Variants in RNFT2 observed in about 807,000 individuals in gnomAD.
RNFT2 encodes the protein ring finger protein, transmembrane 2, also known as E3 ubiquitin-protein ligase RNFT2.
Under a neutral mutation model 53.0 loss-of-function variants are expected in RNFT2, and 36 were observed. The observed-to-expected ratio is 0.68, with a 90% CI of 0.52 to 0.90. RNFT2 has a LOEUF of 0.90. Among genes scored for constraint, RNFT2 ranks in the 40% least tolerant of loss-of-function variants. RNFT2 has a pLI of 0.00. For synonymous variants in RNFT2, 260 were observed against 253.2 expected (o/e 1.03, Z -0.26); for missense variants, 514 against 585.6 (o/e 0.88, Z 1.26).
rs374692998 is a variant in RNFT2, at chr12:116,740,429, T to C, written c.-69T>C. 8.2e-5 allele frequency: 121 copies of C among 1,479,232 alleles called. No homozygotes were observed. The highest frequency in any genetic ancestry group is 5.1e-4 in the East Asian group (21 of 40,828). 91.6% of individuals were successfully genotyped at this position (1,479,232 alleles called of 1,614,324 possible). On this transcript the variant is annotated 5_prime_UTR_variant, in exon 2 of 11. Transcript: ENST00000257575. Reference sequence around the variant, plus strand: ...GGAGGCCTGTCCTCTCTGGGATCCATTGGTCACATCCCCCTGAGGATTCCC... The same window carrying C: ...GGAGGCCTGTCCTCTCTGGGATCCACTGGTCACATCCCCCTGAGGATTCCC...
chr12:116,853,323 A>C lies in RNFT2; in HGVS notation c.*3875A>C, dbSNP rs1449585399. On this transcript the variant is annotated 3_prime_UTR_variant, in exon 11 of 11. Transcript: ENST00000257575. ...TATTATTTTATGATTCACTGACTCA[A>C]GTTCCACGAAGTCCTTAGAAATGGA... The C allele has an allele frequency of 2.5e-6, 1 of 397,636 alleles. No homozygotes were observed. Among genetic ancestry groups the C allele is most frequent in the Non-Finnish European group, 4.4e-6 (1 of 225,674 alleles). 24.6% of individuals were successfully genotyped at this position (397,636 alleles called of 1,614,324 possible).
intron 7 of RNFT2, among the ~76,000 whole-genome samples, chr12:116,801,645 C>G (rs1874794872): frequency 6.6e-6 from 1 of 152,170 alleles, no homozygotes; most frequent in South Asian, 2.1e-4. Flanking sequence ...AAGATAAGAG[C>G]ATTAGCAGCC....
At chr12:116,816,871 G>T (rs1875710587) in intron 7 of RNFT2, among the ~76,000 whole-genome samples, 1 of 152,146 alleles carries the variant, frequency 6.6e-6, no homozygotes, top group Non-Finnish European at 1.5e-5. Flanking sequence ...AAAAAGTAGA[G>T]AACTGCTAGT....
intron 7 of RNFT2, among the ~76,000 whole-genome samples, chr12:116,786,553 A>G (rs1262653751): frequency 6.6e-6 from 1 of 152,110 alleles, no homozygotes; most frequent in Non-Finnish European, 1.5e-5. Flanking sequence ...GAGGTTACTC[A>G]TCACCTGGCG....
rs149565474 is a variant in RNFT2 at position 116,753,104 on chromosome 12, T to A, written c.551-880T>A. Among the ~76,000 whole-genome samples, 607 of 152,078 alleles carry A rather than the reference T, an allele frequency of 4.0e-3. 7 individuals carry two copies. Among genetic ancestry groups the A allele is most frequent in the African/African-American group, 0.014 (563 of 41,486 alleles). On this transcript the variant is annotated intron_variant, in intron 4 of 10. Transcript: ENST00000257575. ...TTTCTCATTGAACATTAAACTTGAA[T>A]TCCTTATGGCGTTGTAAGTTTTTTC...
rs146539797 is a variant in RNFT2 at position 116,739,186 on chromosome 12, C to A, written c.-154+816C>A. Among the ~76,000 whole-genome samples, 423 of 152,274 alleles carry A rather than the reference C, an allele frequency of 2.8e-3. 2 individuals carry two copies. Among genetic ancestry groups the A allele is most frequent in the African/African-American group, 9.7e-3 (402 of 41,538 alleles). On this transcript the variant is annotated intron_variant, in intron 1 of 10. Transcript: ENST00000257575. ...AGACACCCTATATCCACAATATTGGCTCTGCCTCCAGAGACAAGAAGATAT... is the reference window on the plus strand; with the variant it reads ...AGACACCCTATATCCACAATATTGGATCTGCCTCCAGAGACAAGAAGATAT...
chr12:116,784,726 C>T (rs1873856335), intron 7 of RNFT2, among the ~76,000 whole-genome samples: 1 of 152,140 alleles, frequency 6.6e-6, no homozygotes. Context: ...CAGTCAGCAA[C>T]CAAGTTCTGT....
chr12:116,806,009 AT>A (rs1875030092), intron 7 of RNFT2, among the ~76,000 whole-genome samples: 1 of 152,250 alleles, frequency 6.6e-6, no homozygotes, highest in South Asian at 2.1e-4. Context: ...GAATCGAGAC[AT>A]TAAACTAAAC....
chr12:116,839,421 GTGGGTGGATGGATGGA>G (rs1052502986), intron 10 of RNFT2, among the ~76,000 whole-genome samples: 3 of 126,752 alleles, frequency 2.4e-5, no homozygotes, highest in African/African-American at 9.2e-5. Context: ...GGATGGGTGG[GTGGGTGGATGGATGGA>G]TGGATGGATG....
intron 7 of RNFT2, among the ~76,000 whole-genome samples, chr12:116,791,684 A>G (rs761971306): frequency 6.6e-6 from 1 of 152,186 alleles, no homozygotes; most frequent in Non-Finnish European, 1.5e-5. Context: ...TCCTCTGTCA[A>G]TGGACATCTA....
rs541674444 is a variant in RNFT2 at position 116,750,073 on chromosome 12, G to A, written c.316G>A (p.Ala106Thr). The change falls in exon 4 of 11, where the codon GCC becomes ACC. Residue 106 changes from alanine (A) to threonine (T), a missense_variant. Transcript: ENST00000257575. ...AGGAGGGGGCCGGGGCGAGGGGGGC[G>A]CCTACCACCACCGCCAGCCCCACCA... Reference protein sequence around the residue: ...EEGGGRGEGGAYHHRQPHHHF... With the variant: ...EEGGGRGEGGTYHHRQPHHHF... 127 of 1,545,984 alleles carry A rather than the reference G, an allele frequency of 8.2e-5. No individual in the cohort carries two copies. The Admixed American group carries it at 1.2e-3, about 14-fold the overall frequency.
chr12:116,828,507 T>C (rs879831059), intron 7 of RNFT2, among the ~76,000 whole-genome samples: 2 of 152,194 alleles, frequency 1.3e-5, no homozygotes, highest in Admixed American at 6.5e-5. Flanking sequence ...CACTGTATTA[T>C]AGTAGTTTGC....
chr12:116,844,825 A>G (rs1877521830), intron 10 of RNFT2, among the ~76,000 whole-genome samples: 1 of 152,172 alleles, frequency 6.6e-6, no homozygotes. Context: ...GCATTCTCCT[A>G]TGTAAGTACC....
intron 5 of RNFT2, among the ~76,000 whole-genome samples, chr12:116,760,440 T>A (rs1872653341): frequency 6.6e-6 from 1 of 152,222 alleles, no homozygotes; most frequent in South Asian, 2.1e-4. Flanking sequence ...TAGCCCTTGC[T>A]CCTACCCATT....
At position 116,852,569 on chromosome 12, in the gene RNFT2, C is replaced by G; in HGVS notation, c.*3121C>G. 6.2e-7 allele frequency: 1 copy of G among 1,611,112 alleles called. No individual in the cohort carries two copies. Among genetic ancestry groups the G allele is most frequent in the Non-Finnish European group, 8.5e-7 (1 of 1,178,268 alleles). On this transcript the variant is annotated 3_prime_UTR_variant, in exon 11 of 11. Transcript: ENST00000257575. ...CATGTGAATGCAGCTGCTCTGTTCT[C>G]CCTACCCTGAGGAAAAACCAAAGGG...
rs1303396629 is a variant in RNFT2 at position 116,850,011 on chromosome 12, T to A, written c.*563T>A. 2.0e-5 allele frequency: 3 copies of A among 151,406 alleles called. No homozygotes were observed. Among genetic ancestry groups the A allele is most frequent in the African/African-American group, 4.9e-5 (2 of 41,086 alleles). 9.4% of individuals were successfully genotyped at this position (151,406 alleles called of 1,614,324 possible). On this transcript the variant is annotated 3_prime_UTR_variant, in exon 11 of 11. Coordinates refer to ENST00000257575, the MANE Select transcript of RNFT2 (RefSeq NM_001382266.1). ...GGCACCCACCAACACACTTGGCTAATTTTTGTATTTTTTAGTAGAGACAGG... is the reference window on the plus strand; with the variant it reads ...GGCACCCACCAACACACTTGGCTAAATTTTGTATTTTTTAGTAGAGACAGG...
At chr12:116,824,197 T>C (rs1194526011) in intron 7 of RNFT2, among the ~76,000 whole-genome samples, 1 of 152,164 alleles carries the variant, frequency 6.6e-6, no homozygotes, top group Non-Finnish European at 1.5e-5. Flanking sequence ...AGAACATTTG[T>C]TATGTATAGA....
At chr12:116,775,484 A>G (rs142597943) in intron 6 of RNFT2, among the ~76,000 whole-genome samples, 2 of 152,246 alleles carry the variant, frequency 1.3e-5, no homozygotes, top group African/African-American at 4.8e-5. Flanking sequence ...CTGAGCTTGA[A>G]TCTTCTCAGG....
In RNFT2 at chr12:116,840,829, T is replaced by C. The variant is rs78447731; in HGVS notation, c.1200+4547T>C. On this transcript the variant is annotated intron_variant, in intron 10 of 10. Coordinates refer to ENST00000257575, the MANE Select transcript of RNFT2 (RefSeq NM_001382266.1). ...GGGTTTTGAAAATCATAGTGTATTA[T>C]ACCGATATTCAGTATTAGTGTTTAA... 4.4e-3 allele frequency among the ~76,000 whole-genome samples: 677 copies of C among 152,288 alleles called. 8 individuals carry two copies. The highest frequency in any genetic ancestry group is 0.015 in the African/African-American group (638 of 41,556).
Sources: gnomAD v4.1 joint callset for allele counts (sites outside exome capture counted in the v4.1 genomes callset) on GRCh38, gnomAD v4.1.1 for gene constraint, MANE v1.5 for transcripts, NCBI Gene and HGNC (gene_info 2026-07-23, HGNC 2026-07-21) for gene names.